The following HSPA4 variants were observed in gnomAD, a reference collection of about 807,000 sequenced individuals.
HSPA4 encodes the protein heat shock 70 kDa protein 4.
Under a neutral mutation model 106.2 loss-of-function variants are expected in HSPA4, and 25 were observed. The observed-to-expected ratio is 0.24, with a 90% CI of 0.17 to 0.33. The LOEUF is 0.33. HSPA4 is among the 10% of genes least tolerant of loss of function. The pLI is 1.00. For missense variants in HSPA4, 841 were observed against 996.0 expected (o/e 0.84, Z 2.10); for synonymous variants, 332 against 333.6 (o/e 1.00, Z 0.05).
intron 1 of HSPA4, among the ~76,000 whole-genome samples, chr5:133,055,456 G>C (rs566120533): frequency 1.8e-4 from 28 of 151,954 alleles, no homozygotes; most frequent in Admixed American, 6.6e-4. Flanking sequence ...TTATGATGGT[G>C]GAAGTACCTC....
chr5:133,084,229 GC>G (rs1445777483), intron 7 of HSPA4, among the ~76,000 whole-genome samples: 8 of 152,158 alleles, frequency 5.3e-5, no homozygotes, highest in Non-Finnish European at 1.2e-4. Flanking sequence ...TTTTTAGTCA[GC>G]ATAAAATTGA....
At chr5:133,054,158 T>G (rs1180643203) in intron 1 of HSPA4, among the ~76,000 whole-genome samples, 1 of 152,160 alleles carries the variant, frequency 6.6e-6, no homozygotes, top group Non-Finnish European at 1.5e-5. Flanking sequence ...TTGCTGTCCC[T>G]TTGCTGAGTT....
rs150996934 is a variant in HSPA4 at position 133,066,093 on chromosome 5, C to T, written c.165+1056C>T. ...TATTGGGCCATTTTGAAATCTCTTC[C>T]TTCTAAAATTTGAGCAAATCGCTCC... is the stretch of plus-strand genomic sequence containing the variant. On this transcript the variant is annotated intron_variant, in intron 2 of 18. Coordinates refer to ENST00000304858, the MANE Select transcript of HSPA4 (RefSeq NM_002154.4). 1.3e-4 allele frequency among the ~76,000 whole-genome samples: 20 copies of T among 152,292 alleles called. 1 individual carries two copies. In the East Asian group the frequency reaches 3.9e-3, roughly 29 times the overall value.
chr5:133,083,469 C>T (rs1765539816), intron 7 of HSPA4, among the ~76,000 whole-genome samples: 1 of 152,194 alleles, frequency 6.6e-6, no homozygotes, highest in Non-Finnish European at 1.5e-5. Context: ...CTACTGATAA[C>T]ATTTACTGTA....
chr5:133,084,590 C>T (rs62375238), intron 7 of HSPA4, among the ~76,000 whole-genome samples: 6,995 of 152,138 alleles, frequency 0.046, 192 homozygotes, highest in Non-Finnish European at 0.063. Context: ...CCTGCCTCAG[C>T]CTCCCAAATA....
At chr5:133,098,698 G>A (rs1765746235) in intron 15 of HSPA4, among the ~76,000 whole-genome samples, 1 of 150,210 alleles carries the variant, frequency 6.7e-6, no homozygotes, top group African/African-American at 2.5e-5. Flanking sequence ...TTGAGATGGA[G>A]TTTCGGTCTT....
At chr5:133,074,437 C>T (rs1765423369) in intron 6 of HSPA4, among the ~76,000 whole-genome samples, 2 of 152,098 alleles carry the variant, frequency 1.3e-5, no homozygotes, top group Admixed American at 1.3e-4. Flanking sequence ...TGCCACCACG[C>T]CCGGCTAATT....
At chr5:133,054,327 C>T (rs770299507) in intron 1 of HSPA4, among the ~76,000 whole-genome samples, 13 of 152,066 alleles carry the variant, frequency 8.5e-5, no homozygotes, top group Middle Eastern at 3.4e-3. Context: ...GTCAGCCTCC[C>T]GAGTAGCTGG....
At chr5:133,088,167 G>C (rs1329559372) in intron 8 of HSPA4, among the ~76,000 whole-genome samples, 1 of 152,064 alleles carries the variant, frequency 6.6e-6, no homozygotes, top group Non-Finnish European at 1.5e-5. Flanking sequence ...GAGGATTCCT[G>C]GCCCTCACCT....
chr5:133,062,620 G>A (rs151234565), intron 1 of HSPA4, among the ~76,000 whole-genome samples: 1 of 152,092 alleles, frequency 6.6e-6, no homozygotes, highest in Non-Finnish European at 1.5e-5. Context: ...ATTTGTTTTA[G>A]TGATTGGTGG....
In HSPA4 at chr5:133,072,169, G is replaced by A. The variant is rs564251545; in HGVS notation, c.430-1061G>A. On this transcript the variant is annotated intron_variant, in intron 4 of 18. Transcript: ENST00000304858. ...GGAGTTTTGGTAATTTGCTTAGGAG[G>A]GTTCACGGGCCCTAGCGTATAGCTA... Among the ~76,000 whole-genome samples, 5 of 152,260 alleles carry A rather than the reference G, an allele frequency of 3.3e-5. No individual in the cohort carries two copies. The South Asian group carries it at 1.0e-3, about 32-fold the overall frequency.
chr5:133,095,416 A>G (rs1765698519), intron 13 of HSPA4, among the ~76,000 whole-genome samples: 1 of 152,228 alleles, frequency 6.6e-6, no homozygotes, highest in East Asian at 1.9e-4. Context: ...AAATAGTTAC[A>G]TATGGCTTGT....
chr5:133,088,727 G>A (rs1055069072), intron 9 of HSPA4, among the ~76,000 whole-genome samples, 172 bp downstream of exon 9: 1 of 152,162 alleles, frequency 6.6e-6, no homozygotes, highest in African/African-American at 2.4e-5. Flanking sequence ...GTACTCTATA[G>A]CACATAAGAT....
intron 7 of HSPA4, among the ~76,000 whole-genome samples, chr5:133,078,523 T>C (rs1765473940): frequency 6.7e-6 from 1 of 149,450 alleles, no homozygotes; most frequent in Admixed American, 6.8e-5. Flanking sequence ...TAATCCCAGC[T>C]ACTTGGGAGG....
At chr5:133,075,497 T>C (rs1765436893) in intron 6 of HSPA4, among the ~76,000 whole-genome samples, 1 of 152,198 alleles carries the variant, frequency 6.6e-6, no homozygotes, top group South Asian at 2.1e-4. Flanking sequence ...AAAACATTTA[T>C]GTGTAAAGAC....
chr5:133,076,955 T>A, intron 7 of HSPA4, 57 bp downstream of exon 7: 1 of 1,382,762 alleles, frequency 7.2e-7, no homozygotes, highest in Non-Finnish European at 1.0e-6. Flanking sequence ...CCACATATAT[T>A]AACCTTTAAT....
chr5:133,080,489 A>G (rs1403980199), intron 7 of HSPA4, among the ~76,000 whole-genome samples: 4 of 150,256 alleles, frequency 2.7e-5, no homozygotes, highest in Non-Finnish European at 4.4e-5. Flanking sequence ...ATTTTGCATC[A>G]GTTTTTTTCC....
Position 133,073,222 on chromosome 5 carries a change from T to C in HSPA4, c.430-8T>C, listed in dbSNP as rs1369943656. On this transcript the variant is annotated splice_region_variant and splice_polypyrimidine_tract_variant and intron_variant, in intron 4 of 18. Coordinates refer to ENST00000304858, the MANE Select transcript of HSPA4 (RefSeq NM_002154.4). ...TAATACAGTAAGCATTCTTTTTTTTTTTTGTAGGTTCCTTGTTTCTATACT... is the reference window on the plus strand; with the variant it reads ...TAATACAGTAAGCATTCTTTTTTTTCTTTGTAGGTTCCTTGTTTCTATACT... 5 of 1,553,622 alleles carry C rather than the reference T, an allele frequency of 3.2e-6. No homozygotes were observed. The highest frequency in any genetic ancestry group is 1.4e-5 in the African/African-American group (1 of 72,218).
Position 133,100,482 on chromosome 5 carries a change from C to T in HSPA4, c.2037+830C>T, listed in dbSNP as rs528259276. 1.5e-4 allele frequency among the ~76,000 whole-genome samples: 23 copies of T among 152,084 alleles called. No homozygotes were observed. In the East Asian group the frequency reaches 3.3e-3, roughly 22 times the overall value. On this transcript the variant is annotated intron_variant, in intron 16 of 18. Transcript: ENST00000304858. ...CGTGACCTTGGCTCACTGCAAGCTC[C>T]GCCTCCCGGGTTCACGCCATTCTCC... is the stretch of plus-strand genomic sequence containing the variant.
Sources: allele counts gnomAD v4.1 joint callset (sites outside exome capture counted in the v4.1 genomes callset), GRCh38; gene constraint gnomAD v4.1.1; transcripts MANE v1.5; gene names NCBI Gene and HGNC (gene_info 2026-07-23, HGNC 2026-07-21).